The following SLC20A2 variants were observed in gnomAD, a reference collection of about 807,000 sequenced individuals.
SLC20A2 encodes solute carrier family 20 member 2, also known as sodium-dependent phosphate transporter 2.
In SLC20A2, 30 loss-of-function variants were observed where a neutral mutation model predicts 61.0. The observed-to-expected ratio is 0.49, with a 90% CI of 0.37 to 0.67. The LOEUF is 0.67. Ranked by LOEUF, SLC20A2 falls within the 30% of genes least tolerant of loss-of-function variation. The pLI, the probability that SLC20A2 is intolerant of heterozygous loss-of-function variation, is 0.00. For synonymous variants in SLC20A2, 351 were observed against 353.3 expected (o/e 0.99, Z 0.07); for missense variants, 626 against 866.4 (o/e 0.72, Z 3.48).
intron 6 of SLC20A2, among the ~76,000 whole-genome samples, chr8:42,443,185 TAC>T (rs1246219709): frequency 6.1e-5 from 9 of 146,760 alleles, no homozygotes; most frequent in Admixed American, 1.4e-4. Flanking sequence ...TATTATACTA[TAC>T]AGTTATTGTA....
intron 1 of SLC20A2, among the ~76,000 whole-genome samples, chr8:42,528,243 C>A (rs577767377): frequency 6.6e-6 from 1 of 152,106 alleles, no homozygotes; most frequent in African/African-American, 2.4e-5. Flanking sequence ...AGGCAGATCA[C>A]GAGGTCAGGA....
chr8:42,464,124 G>A (rs1221445475), intron 3 of SLC20A2, among the ~76,000 whole-genome samples: 3 of 3,364 alleles, frequency 8.9e-4, no homozygotes, highest in South Asian at 0.014. Context: ...TTTTTTTTTT[G>A]AGACAGGGTC....
At chr8:42,511,720 C>T (rs1811044320) in intron 1 of SLC20A2, among the ~76,000 whole-genome samples, 1 of 151,812 alleles carries the variant, frequency 6.6e-6, no homozygotes, top group Non-Finnish European at 1.5e-5. Flanking sequence ...TCTAGTTGCA[C>T]TTGGCTATAA....
At chr8:42,436,490 CGTGCCCTGTGTGGCCCCTGTCAAAT>C (rs1339927734) in intron 8 of SLC20A2, among the ~76,000 whole-genome samples, 2 of 152,254 alleles carry the variant, frequency 1.3e-5, no homozygotes, top group Admixed American at 6.5e-5. Context: ...CCCTGTCAAA[CGTGCCCTGTGTGGCCCCTGTCAAAT>C]GTGCCCTGTG....
At chr8:42,524,355 G>A (rs1811784574) in intron 1 of SLC20A2, among the ~76,000 whole-genome samples, 1 of 152,028 alleles carries the variant, frequency 6.6e-6, no homozygotes, top group Non-Finnish European at 1.5e-5. Context: ...GGGGGGAGTG[G>A]GTAGAAGTTT....
intron 1 of SLC20A2, among the ~76,000 whole-genome samples, chr8:42,517,070 T>A (rs572286251): frequency 1.9e-3 from 294 of 152,330 alleles, no homozygotes; most frequent in Admixed American, 4.5e-3. Context: ...AGAACATTAT[T>A]ACAACCTATT....
chr8:42,482,186 C>G (rs1223358138), intron 1 of SLC20A2, among the ~76,000 whole-genome samples: 2 of 152,038 alleles, frequency 1.3e-5, no homozygotes, highest in African/African-American at 4.8e-5. Flanking sequence ...TATGTAAGTG[C>G]CATCCTTAGT....
intron 5 of SLC20A2, among the ~76,000 whole-genome samples, chr8:42,449,084 T>G (rs1260258161): frequency 6.6e-6 from 1 of 152,172 alleles, no homozygotes; most frequent in Non-Finnish European, 1.5e-5. Flanking sequence ...CAACAACATT[T>G]TTGACAAAAA....
chr8:42,489,294 G>A (rs1809321906), intron 1 of SLC20A2, among the ~76,000 whole-genome samples: 1 of 152,024 alleles, frequency 6.6e-6, no homozygotes, highest in East Asian at 1.9e-4. Context: ...TCTGTTTGAT[G>A]AGTCTGCCAG....
intron 1 of SLC20A2, among the ~76,000 whole-genome samples, chr8:42,519,033 G>C (rs1312556628): frequency 1.3e-5 from 2 of 152,202 alleles, no homozygotes; most frequent in Non-Finnish European, 2.9e-5. Context: ...ATGCACAGAG[G>C]ACAGATGCAG....
At chr8:42,474,374 T>C (rs546200463) in intron 1 of SLC20A2, among the ~76,000 whole-genome samples, 3 of 152,288 alleles carry the variant, frequency 2.0e-5, no homozygotes, top group Admixed American at 1.3e-4. Flanking sequence ...TGCAATGCTA[T>C]AGGCACACAA....
intron 1 of SLC20A2, chr8:42,484,834 C>T: frequency 3.0e-6 from 1 of 333,298 alleles, no homozygotes; most frequent in Non-Finnish European, 5.9e-6. Flanking sequence ...CCGAGGGCAT[C>T]CAGCCAGCTG....
intron 1 of SLC20A2, among the ~76,000 whole-genome samples, chr8:42,488,839 T>C (rs1232482463): frequency 6.6e-6 from 1 of 152,166 alleles, no homozygotes; most frequent in Admixed American, 6.6e-5. Flanking sequence ...TTGTTGGCCA[T>C]GTGTATTGTC....
intron 10 of SLC20A2, among the ~76,000 whole-genome samples, chr8:42,421,787 A>G (rs1478247030): frequency 6.6e-6 from 1 of 152,144 alleles, no homozygotes; most frequent in Non-Finnish European, 1.5e-5. Context: ...AGCCTGGGTA[A>G]CGAGTGAAAC....
intron 1 of SLC20A2, 53 bp downstream of exon 1, chr8:42,500,978 G>C (rs1325571123): frequency 6.6e-6 from 1 of 152,130 alleles, no homozygotes; most frequent in Non-Finnish European, 1.5e-5. Flanking sequence ...ACATTAGGAA[G>C]ATTTAAGGAG....
intron 1 of SLC20A2, among the ~76,000 whole-genome samples, chr8:42,499,112 G>T (rs1316887771): frequency 1.3e-5 from 2 of 152,208 alleles, no homozygotes; most frequent in African/African-American, 4.8e-5. Flanking sequence ...CAGGACTGCA[G>T]GGGAGACGTG....
chr8:42,440,297 CCTT>C (rs773496389), intron 6 of SLC20A2, among the ~76,000 whole-genome samples: 1 of 152,110 alleles, frequency 6.6e-6, no homozygotes, highest in South Asian at 2.1e-4. Flanking sequence ...CCCAGACTGG[CCTT>C]CTGTTTTCTT....
intron 1 of SLC20A2, among the ~76,000 whole-genome samples, chr8:42,529,401 C>T (rs572661804): frequency 1.6e-3 from 237 of 152,202 alleles, no homozygotes; most frequent in African/African-American, 5.3e-3. Flanking sequence ...ATCACATATT[C>T]TATGAGTATA....
chr8:42,437,073 G>A lies in SLC20A2; in HGVS notation c.1439C>T (p.Ala480Val), dbSNP rs748282424. 47 of 1,613,938 alleles carry A rather than the reference G, an allele frequency of 2.9e-5. No individual in the cohort carries two copies. Among genetic ancestry groups the A allele is most frequent in the Non-Finnish European group, 3.5e-5 (41 of 1,180,000 alleles). ...ATGGAACAGGAGGTGAACCTCGGGT[G>A]CGTCCTTCTCCTCCTTCTCCTCCTC... ...PAEEEKEEKD[A>V]PEVHLLFHFL... Residue 480 changes from alanine to valine, a missense_variant, in exon 8 of 11, where the codon GCA becomes GTA. Transcript: ENST00000520262. The surrounding 1 kb of genome is among the most constrained non-coding windows in gnomAD (Gnocchi z 6.4).
Sources: gnomAD v4.1 joint callset for allele counts (sites outside exome capture counted in the v4.1 genomes callset) on GRCh38, gnomAD v4.1.1 for gene constraint, Gnocchi (gnomAD v3.1) non-coding constraint, MANE v1.5 for transcripts, NCBI Gene and HGNC (gene_info 2026-07-23, HGNC 2026-07-21) for gene names.